The following ZNF346 variants were observed in gnomAD, a reference collection of about 807,000 sequenced individuals.
The protein encoded by ZNF346 is double-stranded RNA-binding zinc finger protein JAZ.
ZNF346 carries 23 observed loss-of-function variants against 33.7 expected under a neutral mutation model. The observed-to-expected ratio is 0.68, with a 90% CI of 0.49 to 0.97. The LOEUF (loss-of-function observed/expected upper bound fraction) is 0.97. Ranked by LOEUF, ZNF346 falls within the 50% of genes least tolerant of loss-of-function variation. ZNF346 has a pLI of 0.00. For missense variants in ZNF346, 340 were observed against 371.1 expected, an observed-to-expected ratio of 0.92 and a Z score of 0.69; for synonymous variants, 134 against 142.4, an observed-to-expected ratio of 0.94 and a Z score of 0.42.
intron 6 of ZNF346, among the ~76,000 whole-genome samples, chr5:177,063,064 C>T (rs947784112): frequency 1.4e-5 from 2 of 140,916 alleles, no homozygotes; most frequent in African/African-American, 3.1e-5. Flanking sequence ...CACAACATAA[C>T]GTTTTTTTTT....
intron 4 of ZNF346, among the ~76,000 whole-genome samples, chr5:177,046,312 A>AC (rs1780045665): frequency 6.6e-6 from 1 of 151,986 alleles, no homozygotes; most frequent in Admixed American, 6.6e-5. Flanking sequence ...AAAAAAAAAA[A>AC]AAAAAAACCA....
chr5:177,053,812 C>T (rs996717970), intron 5 of ZNF346, among the ~76,000 whole-genome samples: 1 of 152,268 alleles, frequency 6.6e-6, no homozygotes, highest in East Asian at 1.9e-4. Context: ...ATATACTAGT[C>T]CATGCCTAAT....
In ZNF346 at chr5:177,022,731, CG is replaced by C; in HGVS notation, c.-4del. 6.5e-7 allele frequency: 1 copy of C among 1,546,606 alleles called. No individual in the cohort carries two copies. Among genetic ancestry groups the C allele is most frequent in the Non-Finnish European group, 8.7e-7 (1 of 1,151,240 alleles). The stretch of plus-strand genomic sequence containing the variant: ...GAGGCTCTCTACCGGTGAGGGTTTG[CG>C]GGGAAGATGGAGTATCCCGCGCCGG... On this transcript the variant is annotated 5_prime_UTR_variant, in exon 1 of 7. Coordinates refer to ENST00000358149, the MANE Select transcript of ZNF346 (RefSeq NM_012279.4).
chr5:177,031,689 C>T (rs1392935372), intron 1 of ZNF346, among the ~76,000 whole-genome samples: 1 of 151,732 alleles, frequency 6.6e-6, no homozygotes, highest in African/African-American at 2.4e-5. Context: ...TTTTTTTCTA[C>T]TCTCTCTCTC....
At chr5:177,031,451 A>G (rs1357317976) in intron 1 of ZNF346, among the ~76,000 whole-genome samples, 1 of 152,176 alleles carries the variant, frequency 6.6e-6, no homozygotes, top group Non-Finnish European at 1.5e-5. Flanking sequence ...AATTGTTTTC[A>G]AATAAGAAGT....
At chr5:177,071,406 G>A (rs534045988), downstream of ZNF346, among the ~76,000 whole-genome samples, 4 of 151,456 alleles carry the variant, frequency 2.6e-5, no homozygotes, top group South Asian at 2.1e-4. Flanking sequence ...GGGGCCAGGC[G>A]CCAGGCGCGG....
intron 8 of ZNF346, among the ~76,000 whole-genome samples, chr5:177,076,875 T>C (rs1018471289): frequency 2.0e-5 from 3 of 152,096 alleles, no homozygotes; most frequent in Non-Finnish European, 4.4e-5. Context: ...ACCCCGTCTC[T>C]ACTAAAAATA....
chr5:177,045,004 T>C (rs979731863), intron 4 of ZNF346, among the ~76,000 whole-genome samples: 4 of 152,220 alleles, frequency 2.6e-5, no homozygotes, highest in Non-Finnish European at 5.9e-5. Context: ...GGGACTTGCC[T>C]TTCAAAGCTG....
intron 5 of ZNF346, among the ~76,000 whole-genome samples, chr5:177,055,285 CG>C (rs1444990853): frequency 6.6e-6 from 1 of 151,976 alleles, no homozygotes; most frequent in East Asian, 1.9e-4. Context: ...CCACCTACCT[CG>C]GCCTCCCAAA....
At chr5:177,056,617 G>A (rs1373315842) in intron 5 of ZNF346, among the ~76,000 whole-genome samples, 3 of 152,194 alleles carry the variant, frequency 2.0e-5, no homozygotes, top group Admixed American at 6.5e-5. Context: ...CCTTTGTAGG[G>A]ACGTGGATGA....
chr5:177,023,363 C>T (rs1247650066), intron 1 of ZNF346: 1 of 717,602 alleles, frequency 1.4e-6, no homozygotes, highest in Non-Finnish European at 2.4e-6. Flanking sequence ...AAGGCCTTCT[C>T]CTTACCCCCT....
chr5:177,067,145 G>A lies in ZNF346; in HGVS notation c.*2546G>A, dbSNP rs1406516285. On this transcript the variant is annotated 3_prime_UTR_variant, in exon 7 of 7. Coordinates refer to ENST00000358149, the MANE Select transcript of ZNF346 (RefSeq NM_012279.4). ...TGTAGTCCTGGCTACCTGGAAGGGT[G>A]AGGCAGGAGGATCGCTTTAACCATG... Among the ~76,000 whole-genome samples the A allele has an allele frequency of 6.6e-6, 1 of 152,188 alleles. No individual in the cohort carries two copies. Among genetic ancestry groups the A allele is most frequent in the East Asian group, 1.9e-4 (1 of 5,202 alleles).
Position 177,041,821 on chromosome 5 carries a change from A to AT in ZNF346, c.324dup (p.Gly109TrpfsTer32), listed in dbSNP as rs750725632. ...AAAGTGAAGAGATACCTAGCAATCCATGGAATGGAGACATTAAAGGGGGAA... is the reference window on the plus strand; with the variant it reads ...AAAGTGAAGAGATACCTAGCAATCCATTGGAATGGAGACATTAAAGGGGGAA... On this transcript the variant is annotated frameshift_variant, in exon 3 of 7. Coordinates refer to ENST00000358149, the MANE Select transcript of ZNF346 (RefSeq NM_012279.4). LOFTEE classifies it high-confidence loss of function. 10 of 1,613,906 alleles carry AT rather than the reference A, an allele frequency of 6.2e-6. No homozygotes were observed. The highest frequency in any genetic ancestry group is 8.5e-6 in the Non-Finnish European group (10 of 1,179,818).
chr5:177,028,494 T>TCATATATATATATATATATATATA (rs1554142595), intron 1 of ZNF346, among the ~76,000 whole-genome samples: 1 of 46,010 alleles, frequency 2.2e-5, no homozygotes, highest in African/African-American at 5.8e-5. Flanking sequence ...ACTTGTGACG[T>TCATATATATATATATATATATATA]TTTATATATA....
chr5:177,027,322 T>TACA (rs904854217), intron 1 of ZNF346, among the ~76,000 whole-genome samples: 6 of 152,160 alleles, frequency 3.9e-5, no homozygotes, highest in Non-Finnish European at 7.4e-5. Context: ...GTGCTGGGAT[T>TACA]ACAGGGGTGA....
intron 1 of ZNF346, among the ~76,000 whole-genome samples, chr5:177,030,999 C>T (rs1777612523): frequency 6.7e-6 from 1 of 149,688 alleles, no homozygotes; most frequent in Non-Finnish European, 1.5e-5. Context: ...AGGCTCACTG[C>T]ACCCTCTGCC....
rs1181592181 is a variant in ZNF346 at position 177,077,423 on chromosome 5, T to C, written c.*3-1959T>C. ...CATAGTGAAATGTTCAAAGAAGGAA[T>C]GGCTTCAGGCAAGGCTTGATCCGGG... On this transcript the variant is annotated intron_variant, in intron 8 of 8. Coordinates refer to the ZNF346 transcript ENST00000503039. The surrounding 1 kb of genome is among the most constrained non-coding windows in gnomAD (Gnocchi z 5.0). 1.3e-5 allele frequency among the ~76,000 whole-genome samples: 2 copies of C among 152,206 alleles called. No individual in the cohort carries two copies. Among genetic ancestry groups the C allele is most frequent in the Non-Finnish European group, 2.9e-5 (2 of 68,032 alleles).
chr5:177,073,455 C>A (rs996932538), intron 8 of ZNF346, among the ~76,000 whole-genome samples: 1 of 152,168 alleles, frequency 6.6e-6, no homozygotes. Context: ...AGGCGCACAC[C>A]ACCACACCCA....
downstream of ZNF346, among the ~76,000 whole-genome samples, chr5:177,069,482 G>T (rs766143926): frequency 6.7e-6 from 1 of 149,366 alleles, no homozygotes; most frequent in African/African-American, 2.5e-5. Flanking sequence ...GAGTTTTTTC[G>T]TGCTGTGTAG....
Sources: allele counts gnomAD v4.1 joint callset (sites outside exome capture counted in the v4.1 genomes callset), GRCh38; gene constraint gnomAD v4.1.1; non-coding constraint Gnocchi (gnomAD v3.1); transcripts MANE v1.5; gene names NCBI Gene and HGNC (gene_info 2026-07-23, HGNC 2026-07-21).